Variants in PRMT3 observed in about 807,000 individuals in gnomAD.
The protein encoded by PRMT3 is protein arginine N-methyltransferase 3.
A neutral mutation model predicts 71.9 loss-of-function variants in PRMT3; 62 were observed. That is an observed-to-expected ratio of 0.86 (90% CI 0.70 to 1.07). The LOEUF (loss-of-function observed/expected upper bound fraction) is 1.07, where lower values mean the gene tolerates loss of function less well. PRMT3 is among the 50% of genes least tolerant of loss of function. The probability of loss-of-function intolerance (pLI) is 0.00; values close to 1 mark genes in which losing one functional copy is unlikely to be tolerated. For synonymous variants in PRMT3, 213 were observed against 220.4 expected (o/e 0.97, Z 0.30); for missense variants, 663 against 643.0 (o/e 1.03, Z -0.34).
intron 3 of PRMT3, 46 bp downstream of exon 3, chr11:20,389,872 G>T (rs7937501): frequency 6.7e-7 from 1 of 1,483,742 alleles, no homozygotes; most frequent in Non-Finnish European, 9.4e-7. Context: ...TGAAATTTGG[G>T]CAGGCATGGC....
At chr11:20,476,476 C>T (rs546017085) in intron 13 of PRMT3, among the ~76,000 whole-genome samples, 2 of 152,230 alleles carry the variant, frequency 1.3e-5, no homozygotes, top group African/African-American at 4.8e-5. Context: ...ATACACCAAG[C>T]GTGGTGTGGT....
At chr11:20,432,208 AC>A (rs1215043571) in intron 10 of PRMT3, among the ~76,000 whole-genome samples, 1 of 152,146 alleles carries the variant, frequency 6.6e-6, no homozygotes, top group Non-Finnish European at 1.5e-5. Flanking sequence ...AACTGCCCTT[AC>A]AAACATTTTT....
intron 10 of PRMT3, among the ~76,000 whole-genome samples, chr11:20,428,357 A>G (rs1849590006): frequency 2.0e-5 from 3 of 152,236 alleles, no homozygotes; most frequent in African/African-American, 7.2e-5. Context: ...AATAGACTTT[A>G]TAGGCAAACC....
intron 12 of PRMT3, among the ~76,000 whole-genome samples, chr11:20,463,669 A>G (rs1850439710): frequency 6.6e-6 from 1 of 151,836 alleles, no homozygotes; most frequent in Non-Finnish European, 1.5e-5. Context: ...GTTTTCTCAA[A>G]TTGTTTTCAA....
At chr11:20,452,042 T>A (rs1850160931) in intron 10 of PRMT3, 88 bp from the exon 11 acceptor site, 1 of 896,310 alleles carries the variant, frequency 1.1e-6, no homozygotes, top group Admixed American at 2.7e-5. Context: ...TATTCTGTAA[T>A]TAAAAGAGTA....
At chr11:20,397,508 A>G (rs936644036) in intron 6 of PRMT3, 69 bp from the exon 7 acceptor site, 32 of 1,519,018 alleles carry the variant, frequency 2.1e-5, no homozygotes, top group East Asian at 2.3e-5. Flanking sequence ...CTCTTCCTCA[A>G]CCTCTAGCCT....
At chr11:20,483,431 G>C (rs1850992348) in intron 13 of PRMT3, among the ~76,000 whole-genome samples, 1 of 151,786 alleles carries the variant, frequency 6.6e-6, no homozygotes, top group Admixed American at 6.6e-5. Flanking sequence ...ACAAAAAATG[G>C]AATATAAGGA....
chr11:20,451,747 T>C (rs1244249303), intron 10 of PRMT3, among the ~76,000 whole-genome samples: 1 of 152,110 alleles, frequency 6.6e-6, no homozygotes, highest in Non-Finnish European at 1.5e-5. Context: ...CATTGCCACG[T>C]GTTCCCCAGC....
chr11:20,398,048 C>T (rs1474422141), intron 7 of PRMT3, among the ~76,000 whole-genome samples: 1 of 148,384 alleles, frequency 6.7e-6, no homozygotes, highest in Non-Finnish European at 1.5e-5. Flanking sequence ...ACAGAGGCAT[C>T]AGTCATTTGT....
intron 10 of PRMT3, among the ~76,000 whole-genome samples, chr11:20,450,741 A>G (rs987512884): frequency 2.0e-5 from 3 of 152,138 alleles, no homozygotes; most frequent in African/African-American, 4.8e-5. Flanking sequence ...TGTATTTTCT[A>G]TAAATTAAAA....
At position 20,452,173 on chromosome 11, in the gene PRMT3, A is replaced by G. The variant is rs769157251; in HGVS notation, c.1037A>G (p.Tyr346Cys). Residue 346 changes from tyrosine to cysteine, a missense_variant, in exon 11 of 16, where the codon TAT (tyrosine) becomes TGT (cysteine). Physicochemically the swap from Tyr to Cys is radical, Grantham distance 194 (BLOSUM62 -2). Transcript: ENST00000331079. ...GAGTCTATGTTAGATTCTGTCCTTT[A>G]TGCAAAGAACAAATACTTGGCAAAA... is the stretch of plus-strand genomic sequence containing the variant. ...LFESMLDSVL[Y>C]AKNKYLAKGG... The G allele has an allele frequency of 1.2e-6, 2 of 1,610,932 alleles. No homozygotes were observed. Among genetic ancestry groups the G allele is most frequent in the South Asian group, 2.2e-5 (2 of 90,994 alleles).
chr11:20,407,788 C>A, intron 8 of PRMT3, 123 bp from the exon 9 acceptor site: 1 of 1,042,590 alleles, frequency 9.6e-7, no homozygotes, highest in Non-Finnish European at 1.3e-6. Flanking sequence ...CGCGCCTGGC[C>A]AGTTTCAGAT....
rs76546896 is a variant in PRMT3 at position 20,435,858 on chromosome 11, C to T, written c.993+8993C>T. ...CAAGTTTTAGGGTTGTTTATTTCTA[C>T]GAAGAATGTCATTGGTATTTTGTTA... On this transcript the variant is annotated intron_variant, in intron 10 of 15. Transcript: ENST00000331079. Among the ~76,000 whole-genome samples, 1,456 of 152,250 alleles carry T rather than the reference C, an allele frequency of 9.6e-3. 28 individuals are homozygous for T. The highest frequency in any genetic ancestry group is 0.034 in the African/African-American group (1,399 of 41,542).
chr11:20,494,794 A>G (rs1188611208), intron 15 of PRMT3, among the ~76,000 whole-genome samples: 1 of 152,236 alleles, frequency 6.6e-6, no homozygotes, highest in African/African-American at 2.4e-5. Flanking sequence ...CTGGCTCTTA[A>G]AGTATCACAA....
chr11:20,492,207 A>G (rs191321777), intron 13 of PRMT3, among the ~76,000 whole-genome samples: 9 of 152,180 alleles, frequency 5.9e-5, no homozygotes, highest in Non-Finnish European at 4.4e-5. Flanking sequence ...ATTGTATCCT[A>G]TGGGCCAGGT....
At chr11:20,466,467 C>T (rs1026927483) in intron 13 of PRMT3, among the ~76,000 whole-genome samples, 3 of 152,184 alleles carry the variant, frequency 2.0e-5, no homozygotes, top group African/African-American at 7.2e-5. Flanking sequence ...CCTCCCAACC[C>T]AGGTAGGCCA....
chr11:20,500,880 C>G (rs569456436), intron 15 of PRMT3, among the ~76,000 whole-genome samples: 2 of 152,132 alleles, frequency 1.3e-5, no homozygotes, highest in South Asian at 4.1e-4. Context: ...TAGTTTTAAA[C>G]TTCTCACTGG....
chr11:20,427,707 CAG>C lies in PRMT3; in HGVS notation c.993+845_993+846del, dbSNP rs1333579965. Among the ~76,000 whole-genome samples, 8 of 152,010 alleles carry C rather than the reference CAG, an allele frequency of 5.3e-5. No homozygotes were observed. In the East Asian group the frequency reaches 9.6e-4, roughly 18 times the overall value. ...CGCCACTGCACCCCAACCTGGGTGA[CAG>C]AGCGAGACTCCACCTCGAAAAAAAA... On this transcript the variant is annotated intron_variant, in intron 10 of 15. Coordinates refer to ENST00000331079, the MANE Select transcript of PRMT3 (RefSeq NM_005788.4).
At chr11:20,390,284 G>A (rs1319607686) in intron 3 of PRMT3, among the ~76,000 whole-genome samples, 2 of 152,168 alleles carry the variant, frequency 1.3e-5, no homozygotes, top group Non-Finnish European at 2.9e-5. Flanking sequence ...CGGTCCTTGA[G>A]AAAAGATGAA....
Sources: allele counts gnomAD v4.1 joint callset (sites outside exome capture counted in the v4.1 genomes callset), GRCh38; gene constraint gnomAD v4.1.1; transcripts MANE v1.5; gene names NCBI Gene and HGNC (gene_info 2026-07-23, HGNC 2026-07-21).